CACNA1C: variants seen among roughly 807,000 people sequenced by gnomAD.
CACNA1C encodes calcium voltage-gated channel subunit alpha1 C, also known as voltage-dependent L-type calcium channel subunit alpha-1C.
CACNA1C carries 30 observed loss-of-function variants against 229.0 expected under a neutral mutation model. The ratio of observed to expected loss-of-function variants is 0.13; its 90% CI spans 0.10 to 0.18. The LOEUF is 0.18. Ranked by LOEUF, CACNA1C falls within the 10% of genes least tolerant of loss-of-function variation. The probability of loss-of-function intolerance (pLI) is 1.00; values close to 1 mark genes in which losing one functional copy is unlikely to be tolerated. For synonymous variants in CACNA1C, 1,114 were observed against 1,132.5 expected, an observed-to-expected ratio of 0.98 and a Z score of 0.33; for missense variants, 1,658 against 2,845.0, an observed-to-expected ratio of 0.58 and a Z score of 9.49.
Position 2,108,631 on chromosome 12 carries a change from G to A in CACNA1C, c.50-6593G>A, listed in dbSNP as rs774180651. Reference sequence around the variant, plus strand: ...GGAGGGTGGAAGAGCTGCTGAGACCGCAAGTTTACCAGCCTCCCACCCACC... The same window carrying A: ...GGAGGGTGGAAGAGCTGCTGAGACCACAAGTTTACCAGCCTCCCACCCACC... On this transcript the variant is annotated intron_variant, in intron 1 of 46. Coordinates refer to ENST00000399655, the MANE Select transcript of CACNA1C (RefSeq NM_000719.7). This position sits in a 1 kb window ranked among gnomAD's most constrained non-coding sequence, Gnocchi z 5.3. Among the ~76,000 whole-genome samples the A allele has an allele frequency of 3.9e-5, 6 of 152,168 alleles. No individual in the cohort carries two copies. The highest frequency in any genetic ancestry group is 7.4e-5 in the Non-Finnish European group (5 of 68,018).
At chr12:2,084,491 C>T (rs1016176421) in intron 1 of CACNA1C, among the ~76,000 whole-genome samples, 4 of 152,184 alleles carry the variant, frequency 2.6e-5, no homozygotes, top group Non-Finnish European at 5.9e-5. Context: ...AGCATATTTT[C>T]CAGACTTCTT....
intron 1 of CACNA1C, among the ~76,000 whole-genome samples, chr12:2,005,902 A>G (rs1053814076): frequency 6.6e-6 from 1 of 152,248 alleles, no homozygotes; most frequent in Non-Finnish European, 1.5e-5. Context: ...TATATTATCC[A>G]AGAAGAATAT....
intron 3 of CACNA1C, among the ~76,000 whole-genome samples, chr12:2,436,536 G>A (rs925255266): frequency 6.6e-6 from 1 of 152,198 alleles, no homozygotes; most frequent in Non-Finnish European, 1.5e-5. Flanking sequence ...TGTAGATCTA[G>A]TCTGAGACCA....
intron 34 of CACNA1C, chr12:2,660,208 G>A (rs2095636447): frequency 6.6e-6 from 1 of 152,284 alleles, no homozygotes; most frequent in Admixed American, 6.5e-5. Flanking sequence ...ACTGCAGAAG[G>A]AAAGCACAGA....
At chr12:2,547,318 T>G (rs1005935267) in intron 9 of CACNA1C, 3 of 633,682 alleles carry the variant, frequency 4.7e-6, no homozygotes, top group Non-Finnish European at 8.6e-6. Context: ...TTTGTTTATT[T>G]TCTGTGATAA....
intron 3 of CACNA1C, among the ~76,000 whole-genome samples, chr12:2,250,758 A>G (rs937327212): frequency 2.0e-5 from 3 of 152,008 alleles, no homozygotes; most frequent in African/African-American, 7.2e-5. Flanking sequence ...CTGTCCAATA[A>G]TTCTTTTTTG....
At chr12:2,604,610 A>G (rs566989349) in intron 22 of CACNA1C, among the ~76,000 whole-genome samples, 4 of 152,222 alleles carry the variant, frequency 2.6e-5, no homozygotes, top group African/African-American at 4.8e-5. Context: ...GGTGATTTAC[A>G]TAGAATTCTT....
At chr12:2,550,059 G>T (rs1385317231) in intron 10 of CACNA1C, 26 bp downstream of exon 10, 1 of 1,503,864 alleles carries the variant, frequency 6.6e-7, no homozygotes, top group Non-Finnish European at 9.1e-7. Flanking sequence ...GAGCCCAGGG[G>T]CTGGGGCTTT....
In CACNA1C at chr12:2,115,540, A is replaced by G. The variant is rs1350789310; in HGVS notation, c.366A>G (p.Glu122=). The G allele has an allele frequency of 6.2e-7, 1 of 1,613,090 alleles. No individual in the cohort carries two copies. The highest frequency in any genetic ancestry group is 1.3e-5 in the African/African-American group (1 of 74,958). Residue 122 remains glutamate, a synonymous_variant, in exon 2 of 47, where the codon GAA becomes GAG. Transcript: ENST00000399655. ...PIRRACISIV[E]WKPFEIIILL... ...GGAGGGCCTGCATCAGCATTGTCGA[A>G]TGGAAATATCCTTTGTTCACCGGGC...
chr12:2,059,086 G>A (rs1391356076), intron 1 of CACNA1C, among the ~76,000 whole-genome samples: 2 of 152,160 alleles, frequency 1.3e-5, no homozygotes, highest in Admixed American at 6.5e-5. Flanking sequence ...GGCAGGACCC[G>A]CGCAGGTCCC....
Position 2,140,271 on chromosome 12 carries a change from A to G in CACNA1C, c.477+19841A>G, listed in dbSNP as rs920406251. ...CAGAATGGTCGGAGACCCTCCAGCA[A>G]GAGGATCCATTGTTCACGACTGCAG... On this transcript the variant is annotated intron_variant, in intron 3 of 46. Transcript: ENST00000399655. Among the ~76,000 whole-genome samples, 3 of 151,442 alleles carry G rather than the reference A, an allele frequency of 2.0e-5. 1 individual carries two copies. Among genetic ancestry groups the G allele is most frequent in the Admixed American group, 1.3e-4 (2 of 15,102 alleles).
intron 9 of CACNA1C, among the ~76,000 whole-genome samples, chr12:2,544,800 A>G (rs2099878052): frequency 6.6e-6 from 1 of 152,128 alleles, no homozygotes. Flanking sequence ...ATGAGGCAAA[A>G]CTTTGTAGCC....
chr12:2,455,127 A>G (rs2099409461), intron 4 of CACNA1C, among the ~76,000 whole-genome samples: 1 of 152,180 alleles, frequency 6.6e-6, no homozygotes, highest in African/African-American at 2.4e-5. Flanking sequence ...CTATGTCATC[A>G]CATTTTCTGC....
rs1591725404 is a variant in CACNA1C, at chr12:2,287,022, A to G, written c.478-161954A>G. Among the ~76,000 whole-genome samples the G allele has an allele frequency of 6.6e-6, 1 of 152,160 alleles. No homozygotes were observed. The highest frequency in any genetic ancestry group is 2.4e-5 in the African/African-American group (1 of 41,434). On this transcript the variant is annotated intron_variant, in intron 3 of 46. Transcript: ENST00000399655. This position sits in a 1 kb window ranked among gnomAD's most constrained non-coding sequence, Gnocchi z 4.6. The stretch of plus-strand genomic sequence containing the variant: ...TGGAGAGGTCATGCAAGAAATTTGG[A>G]AGCTGTGTGCCTTGTCTGGCTGACT...
chr12:1,995,014 G>A (rs574799287), intron 1 of CACNA1C, among the ~76,000 whole-genome samples: 1 of 150,932 alleles, frequency 6.6e-6, no homozygotes, highest in Non-Finnish European at 1.5e-5. Flanking sequence ...GGGGATAAGG[G>A]AGGCATCCCA....
At chr12:2,636,222 C>T (rs772245210) in intron 30 of CACNA1C, among the ~76,000 whole-genome samples, 1 of 152,198 alleles carries the variant, frequency 6.6e-6, no homozygotes, top group African/African-American at 2.4e-5. Context: ...AGCCCCACAG[C>T]AGGAAAACGC....
At chr12:2,552,513 T>A (rs1260955372) in intron 10 of CACNA1C, among the ~76,000 whole-genome samples, 3 of 151,968 alleles carry the variant, frequency 2.0e-5, no homozygotes, top group Non-Finnish European at 2.9e-5. Context: ...ATCAGAAGAG[T>A]GTGAGAAGTC....
rs2097829965 is a variant in CACNA1C, at chr12:2,695,240, G to A, written c.*4041G>A. ...CCTCTGTGCCTCTTCCCAGTTCATGGAAGGATGTGTTCAGCTTACCCACCC... is the reference window on the plus strand; with the variant it reads ...CCTCTGTGCCTCTTCCCAGTTCATGAAAGGATGTGTTCAGCTTACCCACCC... On this transcript the variant is annotated 3_prime_UTR_variant, in exon 47 of 47. Coordinates refer to ENST00000399655, the MANE Select transcript of CACNA1C (RefSeq NM_000719.7). The A allele has an allele frequency of 6.6e-6, 1 of 152,244 alleles. No homozygotes were observed. The highest frequency in any genetic ancestry group is 6.5e-5 in the Admixed American group (1 of 15,278). 9.4% of individuals were successfully genotyped at this position (152,244 alleles called of 1,614,324 possible).
At chr12:2,068,493 C>G (rs1008626103) in intron 1 of CACNA1C, among the ~76,000 whole-genome samples, 10 of 152,248 alleles carry the variant, frequency 6.6e-5, no homozygotes, top group Non-Finnish European at 1.0e-4. Context: ...TGCATCCATT[C>G]TTATATGTTG....
Sources: gnomAD v4.1 joint callset for allele counts (sites outside exome capture counted in the v4.1 genomes callset) on GRCh38, gnomAD v4.1.1 for gene constraint, Gnocchi (gnomAD v3.1) non-coding constraint, MANE v1.5 for transcripts, NCBI Gene and HGNC (gene_info 2026-07-23, HGNC 2026-07-21) for gene names.